Variants in FAM135B observed in about 807,000 individuals in gnomAD.
FAM135B encodes family with sequence similarity 135 member B, also known as protein FAM135B.
FAM135B carries 43 observed loss-of-function variants against 127.7 expected under a neutral mutation model. The observed-to-expected ratio is 0.34, with a 90% CI of 0.26 to 0.43. The LOEUF (loss-of-function observed/expected upper bound fraction) is 0.43, where lower values mean the gene tolerates loss of function less well. FAM135B is among the 20% of genes least tolerant of loss of function. The pLI, the probability that FAM135B is intolerant of heterozygous loss-of-function variation, is 1.00. For synonymous variants in FAM135B, 670 were observed against 665.1 expected, an observed-to-expected ratio of 1.01 and a Z score of -0.11; for missense variants, 1,558 against 1,725.6, an observed-to-expected ratio of 0.90 and a Z score of 1.72.
chr8:138,403,016 G>A (rs1563972043), intron 1 of FAM135B, among the ~76,000 whole-genome samples: 2 of 152,154 alleles, frequency 1.3e-5, no homozygotes. Context: ...GCAAACTGAA[G>A]CAGGCCCTTA....
chr8:138,395,209 A>G (rs145952052), intron 1 of FAM135B, among the ~76,000 whole-genome samples: 1 of 152,316 alleles, frequency 6.6e-6, no homozygotes, highest in African/African-American at 2.4e-5. Flanking sequence ...CACTTATATA[A>G]TAAATTTGCC....
chr8:138,142,759 T>G (rs1298391477), intron 16 of FAM135B: 1 of 373,290 alleles, frequency 2.7e-6, no homozygotes, highest in Non-Finnish European at 4.8e-6. Context: ...AACCTAGGAA[T>G]TTTTGTTTTA....
At chr8:138,447,030 T>G (rs1011532565) in intron 1 of FAM135B, among the ~76,000 whole-genome samples, 1 of 152,294 alleles carries the variant, frequency 6.6e-6, no homozygotes, top group South Asian at 2.1e-4. Context: ...AAGACATTTA[T>G]GCAGCCAAAA....
At chr8:138,331,713 G>T (rs1421150394) in intron 2 of FAM135B, among the ~76,000 whole-genome samples, 2 of 152,164 alleles carry the variant, frequency 1.3e-5, no homozygotes, top group Non-Finnish European at 2.9e-5. Flanking sequence ...CCCAAAGCCT[G>T]CATTTTGCTT....
intron 4 of FAM135B, 98 bp from the exon 5 acceptor site, chr8:138,256,857 T>G (rs1017004743): frequency 2.3e-6 from 2 of 880,090 alleles, no homozygotes; most frequent in African/African-American, 1.7e-5. Context: ...AACACTATCT[T>G]GTCCAAAAAT....
In FAM135B at chr8:138,384,548, G is replaced by A. The variant is rs113687778; in HGVS notation, c.-19-16546C>T. 4.8e-3 allele frequency among the ~76,000 whole-genome samples: 724 copies of A among 152,104 alleles called. 3 individuals carry two copies. The highest frequency in any genetic ancestry group is 0.017 in the African/African-American group (699 of 41,482). ...ACTGCAATAGGTCACAGGCTGTGAT[G>A]GGGCAAGACTATCTGCTCCCAAGCA... is the stretch of plus-strand genomic sequence containing the variant. On this transcript the variant is annotated intron_variant, in intron 1 of 19. Coordinates refer to ENST00000395297, the MANE Select transcript of FAM135B (RefSeq NM_015912.4).
intron 12 of FAM135B, among the ~76,000 whole-genome samples, chr8:138,163,293 T>C (rs888011878): frequency 6.6e-6 from 1 of 152,160 alleles, no homozygotes; most frequent in Admixed American, 6.5e-5. Context: ...CTCTTCAGGC[T>C]TTAGGCGAAC....
intron 4 of FAM135B, among the ~76,000 whole-genome samples, chr8:138,261,402 C>A (rs1330822115): frequency 2.0e-5 from 3 of 152,130 alleles, no homozygotes; most frequent in Non-Finnish European, 4.4e-5. Flanking sequence ...ATAATTGTAT[C>A]TTCTTCTTTG....
chr8:138,320,295 T>C lies in FAM135B; in HGVS notation c.78-9375A>G, dbSNP rs545860362. On this transcript the variant is annotated intron_variant, in intron 2 of 19. Coordinates refer to ENST00000395297, the MANE Select transcript of FAM135B (RefSeq NM_015912.4). ...ATCCTCACGTTAACAACACACAAAT[T>C]GTGACTCAGAGAAGTTAGGTAATTT... 3.9e-5 allele frequency among the ~76,000 whole-genome samples: 6 copies of C among 152,354 alleles called. No individual in the cohort carries two copies. The East Asian group carries it at 1.2e-3, about 29-fold the overall frequency.
At chr8:138,334,514 G>C (rs890319885) in intron 2 of FAM135B, among the ~76,000 whole-genome samples, 7 of 152,130 alleles carry the variant, frequency 4.6e-5, no homozygotes, top group South Asian at 4.1e-4. Flanking sequence ...GTACCCATTA[G>C]TTATTTTTCC....
At chr8:138,170,007 G>C (rs1324183817) in intron 11 of FAM135B, among the ~76,000 whole-genome samples, 1 of 152,180 alleles carries the variant, frequency 6.6e-6, no homozygotes, top group African/African-American at 2.4e-5. Context: ...CTGATTGCAG[G>C]AAACTGAGGA....
chr8:138,370,079 T>C (rs567688573), intron 1 of FAM135B, among the ~76,000 whole-genome samples: 2 of 152,274 alleles, frequency 1.3e-5, no homozygotes, highest in South Asian at 2.1e-4. Flanking sequence ...ATGAGTAGTA[T>C]TGGCCCCGAG....
chr8:138,257,407 GA>G (rs5895506), intron 4 of FAM135B, among the ~76,000 whole-genome samples: 85 of 148,166 alleles, frequency 5.7e-4, no homozygotes, highest in African/African-American at 1.7e-3. Flanking sequence ...TTTGCTTTAA[GA>G]AAAAAAAAAC....
In FAM135B at chr8:138,130,456, C is replaced by T. The variant is rs868314698; in HGVS notation, c.*2137G>A. 1.3e-5 allele frequency: 2 copies of T among 152,068 alleles called. No homozygotes were observed. The highest frequency in any genetic ancestry group is 4.8e-5 in the African/African-American group (2 of 41,376). 9.4% of individuals were successfully genotyped at this position (152,068 alleles called of 1,614,324 possible). On this transcript the variant is annotated 3_prime_UTR_variant, in exon 20 of 20. Transcript: ENST00000395297. ...TTATTGCCATTAGTTCTCACTATGT[C>T]CAGACAGCATATTGAAGTTAAAAAT...
Position 138,242,576 on chromosome 8 carries a change from A to G in FAM135B, c.669+366T>C, listed in dbSNP as rs1329204815. Among the ~76,000 whole-genome samples, 2 of 152,214 alleles carry G rather than the reference A, an allele frequency of 1.3e-5. No homozygotes were observed. Among genetic ancestry groups the G allele is most frequent in the Admixed American group, 6.5e-5 (1 of 15,284 alleles). ...GGGAAAACTGATGTTCAGAGAGTGCACAAATGAAAGCGGGAGCCAGGTTTT... is the reference window on the plus strand; with the variant it reads ...GGGAAAACTGATGTTCAGAGAGTGCGCAAATGAAAGCGGGAGCCAGGTTTT... On this transcript the variant is annotated intron_variant, in intron 7 of 19. Transcript: ENST00000395297. This position sits in a 1 kb window ranked among gnomAD's most constrained non-coding sequence, Gnocchi z 9.6.
intron 11 of FAM135B, among the ~76,000 whole-genome samples, chr8:138,172,705 T>C (rs972820631): frequency 1.1e-4 from 16 of 152,170 alleles, no homozygotes; most frequent in Non-Finnish European, 2.9e-5. Flanking sequence ...CGAATAATTA[T>C]GCAGAGGGAG....
intron 5 of FAM135B, among the ~76,000 whole-genome samples, chr8:138,255,727 G>A (rs528778790): frequency 6.6e-6 from 1 of 152,202 alleles, no homozygotes; most frequent in Admixed American, 6.5e-5. Context: ...CAGGGATGGG[G>A]CTGTGTGACT....
At chr8:138,215,789 A>G (rs535815629) in intron 7 of FAM135B, among the ~76,000 whole-genome samples, 5 of 152,274 alleles carry the variant, frequency 3.3e-5, no homozygotes, top group African/African-American at 1.2e-4. Context: ...CCCTCCTCCC[A>G]CCCATGAATG....
intron 1 of FAM135B, chr8:138,440,428 T>C (rs1489923404): frequency 6.6e-6 from 1 of 151,868 alleles, no homozygotes; most frequent in African/African-American, 2.4e-5. Flanking sequence ...AAATATGGGC[T>C]TTATATTTAA....
Sources: gnomAD v4.1 joint callset for allele counts (sites outside exome capture counted in the v4.1 genomes callset) on GRCh38, gnomAD v4.1.1 for gene constraint, Gnocchi (gnomAD v3.1) non-coding constraint, MANE v1.5 for transcripts, NCBI Gene and HGNC (gene_info 2026-07-23, HGNC 2026-07-21) for gene names.